The following SUPT3H variants were observed in gnomAD, a reference collection of about 807,000 sequenced individuals.
SUPT3H encodes the protein transcription initiation protein SPT3 homolog.
In SUPT3H, 44 loss-of-function variants were observed where a neutral mutation model predicts 44.3. The observed-to-expected ratio is 0.99, with a 90% CI of 0.78 to 1.28. The LOEUF is 1.28. Ranked by LOEUF, SUPT3H falls within the 50% of genes most tolerant of loss-of-function variation. The pLI is 0.00. For missense variants in SUPT3H, 380 were observed against 387.1 expected, an observed-to-expected ratio of 0.98 and a Z score of 0.15; for synonymous variants, 124 against 125.6, an observed-to-expected ratio of 0.99 and a Z score of 0.09.
chr6:45,033,179 A>G (rs1787204434), intron 3 of SUPT3H, among the ~76,000 whole-genome samples: 1 of 152,192 alleles, frequency 6.6e-6, no homozygotes, highest in Admixed American at 6.6e-5. Context: ...AAATATAGTA[A>G]CAGCCCAACA....
At chr6:45,375,183 G>A (rs1005106105) in intron 1 of SUPT3H, among the ~76,000 whole-genome samples, 3 of 152,108 alleles carry the variant, frequency 2.0e-5, no homozygotes, top group African/African-American at 7.2e-5. Context: ...CTCCAATCTG[G>A]GCAACAAGAG....
intron 3 of SUPT3H, among the ~76,000 whole-genome samples, chr6:45,092,220 A>G (rs774202588): frequency 6.6e-6 from 1 of 152,128 alleles, no homozygotes. Context: ...AAAAACCCAA[A>G]AAACACATAA....
intron 10 of SUPT3H, among the ~76,000 whole-genome samples, chr6:44,831,251 A>C (rs1192455701): frequency 6.6e-6 from 1 of 152,234 alleles, no homozygotes; most frequent in Non-Finnish European, 1.5e-5. Flanking sequence ...ACAGTGGCAC[A>C]TTCCAAGTGT....
intron 3 of SUPT3H, among the ~76,000 whole-genome samples, chr6:45,041,991 T>C (rs185749772): frequency 6.6e-6 from 1 of 152,144 alleles, no homozygotes; most frequent in Non-Finnish European, 1.5e-5. Context: ...CTTCCAGAAG[T>C]GTCAACTATA....
chr6:44,927,893 T>C (rs1182080025), intron 10 of SUPT3H, among the ~76,000 whole-genome samples: 2 of 152,190 alleles, frequency 1.3e-5, no homozygotes, highest in East Asian at 3.8e-4. Context: ...CACACGCATT[T>C]GAGTGTGGTT....
intron 2 of SUPT3H, among the ~76,000 whole-genome samples, chr6:45,118,433 G>A (rs994952431): frequency 1.3e-5 from 2 of 152,048 alleles, no homozygotes; most frequent in African/African-American, 4.8e-5. Context: ...CTAGCTTAGA[G>A]CCTTCACAGA....
chr6:44,830,891 A>ATTTTTTTTTTTTTTTTTTTT (rs1411850675), intron 10 of SUPT3H, among the ~76,000 whole-genome samples: 2 of 151,432 alleles, frequency 1.3e-5, no homozygotes, highest in African/African-American at 4.9e-5. Flanking sequence ...CCACAGCCAT[A>ATTTTTTTTTTTTTTTTTTTT]TTTTAAGAAA....
At chr6:44,955,725 G>GTTT (rs1775021319) in intron 7 of SUPT3H, among the ~76,000 whole-genome samples, 2 of 152,130 alleles carry the variant, frequency 1.3e-5, no homozygotes, top group African/African-American at 4.8e-5. Flanking sequence ...GGGACTCAGG[G>GTTT]GAAAGGGTAG....
chr6:45,181,366 G>T (rs928600879), intron 2 of SUPT3H, among the ~76,000 whole-genome samples: 1 of 151,692 alleles, frequency 6.6e-6, no homozygotes, highest in Non-Finnish European at 1.5e-5. Flanking sequence ...CCATTACTGG[G>T]TATATACCCA....
At chr6:45,316,506 G>T (rs1032941025) in intron 2 of SUPT3H, among the ~76,000 whole-genome samples, 1 of 151,796 alleles carries the variant, frequency 6.6e-6, no homozygotes, top group African/African-American at 2.4e-5. Flanking sequence ...TCTGTTTGCA[G>T]ACAACATAAT....
intron 10 of SUPT3H, among the ~76,000 whole-genome samples, chr6:44,867,207 A>G (rs931103282): frequency 2.0e-5 from 3 of 150,538 alleles, no homozygotes; most frequent in African/African-American, 7.4e-5. Context: ...GTTGCAGTGC[A>G]GTGGTGTGAT....
intron 3 of SUPT3H, among the ~76,000 whole-genome samples, chr6:45,032,784 G>A (rs1787139474): frequency 6.6e-6 from 1 of 152,142 alleles, no homozygotes; most frequent in Admixed American, 6.6e-5. Context: ...GGTCCTCATA[G>A]AACTTCAGCC....
At chr6:44,918,117 T>A (rs1012354604) in intron 10 of SUPT3H, among the ~76,000 whole-genome samples, 2 of 152,188 alleles carry the variant, frequency 1.3e-5, no homozygotes, top group African/African-American at 4.8e-5. Flanking sequence ...TTAGCTAAGA[T>A]CTCTCTTTAG....
At chr6:45,226,811 G>A (rs1767038239) in intron 2 of SUPT3H, among the ~76,000 whole-genome samples, 1 of 152,046 alleles carries the variant, frequency 6.6e-6, no homozygotes, top group Middle Eastern at 3.4e-3. Context: ...TTACAGGCGT[G>A]AGCCACTGCG....
intron 10 of SUPT3H, among the ~76,000 whole-genome samples, chr6:44,890,157 G>T (rs2153440834): frequency 6.6e-6 from 1 of 151,130 alleles, no homozygotes; most frequent in South Asian, 2.2e-4. Context: ...TTACACTGCT[G>T]GTGGGACTGT....
rs1289503661 is a variant in SUPT3H, at chr6:44,886,723, C to A, written c.912+45930G>T. 2.8e-4 allele frequency among the ~76,000 whole-genome samples: 42 copies of A among 152,118 alleles called. No homozygotes were observed. In the South Asian group the frequency reaches 6.0e-3, roughly 22 times the overall value. On this transcript the variant is annotated intron_variant, in intron 10 of 10. Transcript: ENST00000371459. ...AACTGCATCAACTAACGAGCAAAAT[C>A]ACCAGCTAACATCATAATGACAGGA...
At chr6:45,032,620 C>T (rs1033250740) in intron 3 of SUPT3H, among the ~76,000 whole-genome samples, 1 of 152,148 alleles carries the variant, frequency 6.6e-6, no homozygotes, top group African/African-American at 2.4e-5. Flanking sequence ...TACAATTACG[C>T]AACACTCATA....
intron 3 of SUPT3H, among the ~76,000 whole-genome samples, chr6:45,062,273 T>G (rs7745506): frequency 0.13 from 19,977 of 151,752 alleles, 1,565 homozygotes; most frequent in East Asian, 0.26. Flanking sequence ...TTTGAAAAAG[T>G]TGAAATAATA....
intron 2 of SUPT3H, among the ~76,000 whole-genome samples, chr6:45,260,781 A>G (rs1774232666): frequency 6.6e-6 from 1 of 152,130 alleles, no homozygotes; most frequent in South Asian, 2.1e-4. Flanking sequence ...TCTCTGAACA[A>G]TGAAGGAACT....
Sources: gnomAD v4.1 joint callset for allele counts (sites outside exome capture counted in the v4.1 genomes callset) on GRCh38, gnomAD v4.1.1 for gene constraint, MANE v1.5 for transcripts, NCBI Gene and HGNC (gene_info 2026-07-23, HGNC 2026-07-21) for gene names.